The following ENTREP2 variants were observed in gnomAD, a reference collection of about 807,000 sequenced individuals.
ENTREP2 encodes the protein endosomal transmembrane epsin interactor 2, also known as protein ENTREP2.
the ENTREP2 span, among the ~76,000 whole-genome samples, chr15:29,488,302 A>G: frequency 6.6e-6 from 1 of 152,216 alleles, no homozygotes; most frequent in African/African-American, 2.4e-5. Context: ...TCACTAGAGC[A>G]TCTCAGTAAC....
chr15:29,129,051 G>A, the ENTREP2 span, among the ~76,000 whole-genome samples: 9 of 152,264 alleles, frequency 5.9e-5, no homozygotes, highest in Middle Eastern at 3.4e-3. Flanking sequence ...CCTTGCCAAG[G>A]CCAAAGTCTA....
chr15:29,448,637 A>T, the ENTREP2 span, among the ~76,000 whole-genome samples: 1 of 152,252 alleles, frequency 6.6e-6, no homozygotes, highest in Non-Finnish European at 1.5e-5. Flanking sequence ...GAACAAATCG[A>T]GACGAACCAA....
chr15:29,293,573 G>C, the ENTREP2 span, among the ~76,000 whole-genome samples: 1 of 152,132 alleles, frequency 6.6e-6, no homozygotes, highest in Non-Finnish European at 1.5e-5. Flanking sequence ...TTGACTCTTA[G>C]AACCAGGAAG....
the ENTREP2 span, among the ~76,000 whole-genome samples, chr15:29,439,220 G>A: frequency 6.6e-6 from 1 of 151,594 alleles, no homozygotes; most frequent in Non-Finnish European, 1.5e-5. Flanking sequence ...TGATGGTAGG[G>A]GCAGGGAAAG....
the ENTREP2 span, among the ~76,000 whole-genome samples, chr15:29,223,051 C>T: frequency 2.6e-5 from 4 of 152,270 alleles, no homozygotes; most frequent in Admixed American, 2.0e-4. Context: ...AATTACTCTC[C>T]GTTGCTCAAC....
the ENTREP2 span, among the ~76,000 whole-genome samples, chr15:29,355,830 A>G: frequency 3.3e-5 from 5 of 152,334 alleles, no homozygotes; most frequent in South Asian, 8.3e-4. Context: ...TCAGATAGTA[A>G]GCAAATGATG....
the ENTREP2 span, among the ~76,000 whole-genome samples, chr15:29,300,064 G>A: frequency 6.6e-6 from 1 of 151,456 alleles, no homozygotes; most frequent in Admixed American, 6.6e-5. Context: ...TGAATGGGTA[G>A]GTGGGTGGAC....
chr15:29,630,672 C>G, the ENTREP2 span, among the ~76,000 whole-genome samples: 2 of 151,878 alleles, frequency 1.3e-5, no homozygotes, highest in African/African-American at 4.8e-5. Context: ...TTCCCCCAGG[C>G]TATTTTCTCT....
At chr15:29,216,227 C>G in the ENTREP2 span, among the ~76,000 whole-genome samples, 1 of 152,286 alleles carries the variant, frequency 6.6e-6, no homozygotes, top group South Asian at 2.1e-4. Flanking sequence ...ATATATGCTG[C>G]TTAGTTTCAC....
At chr15:29,380,821 T>C in the ENTREP2 span, among the ~76,000 whole-genome samples, 5 of 151,766 alleles carry the variant, frequency 3.3e-5, no homozygotes, top group South Asian at 4.2e-4. Flanking sequence ...CAGGCTTTAA[T>C]GTCTAGATGA....
chr15:29,672,925 C>A, the ENTREP2 span, among the ~76,000 whole-genome samples: 1 of 152,086 alleles, frequency 6.6e-6, no homozygotes, highest in Non-Finnish European at 1.5e-5. Context: ...ATAGGCAGGG[C>A]AGTGGCATGA....
the ENTREP2 span, among the ~76,000 whole-genome samples, chr15:29,581,118 T>C: frequency 6.6e-6 from 1 of 152,148 alleles, no homozygotes; most frequent in Non-Finnish European, 1.5e-5. Flanking sequence ...ATCTTTAGAA[T>C]AAACAGACCA....
the ENTREP2 span, among the ~76,000 whole-genome samples, chr15:29,630,091 G>A: frequency 6.6e-6 from 1 of 152,030 alleles, no homozygotes; most frequent in Non-Finnish European, 1.5e-5. Flanking sequence ...ACTCCGGCCC[G>A]GGTGACACAA....
the ENTREP2 span, among the ~76,000 whole-genome samples, chr15:29,479,369 C>A: frequency 6.6e-6 from 1 of 152,058 alleles, no homozygotes; most frequent in Admixed American, 6.5e-5. Context: ...CCTGCAGAAC[C>A]AAGAGTGAAT....
At chr15:29,182,583 GA>G in the ENTREP2 span, among the ~76,000 whole-genome samples, 1 of 151,986 alleles carries the variant, frequency 6.6e-6, no homozygotes, top group Non-Finnish European at 1.5e-5. Context: ...TACCAAAAAT[GA>G]TAATTCTCCC....
chr15:29,145,622 C>CA, the ENTREP2 span, among the ~76,000 whole-genome samples: 18,872 of 58,444 alleles, frequency 0.32, 4,079 homozygotes, highest in Non-Finnish European at 0.41. Flanking sequence ...GACTCCATCT[C>CA]AAAAAAAAAA....
chr15:29,654,094 A>G, the ENTREP2 span, among the ~76,000 whole-genome samples: 1 of 152,214 alleles, frequency 6.6e-6, no homozygotes, highest in Non-Finnish European at 1.5e-5. Flanking sequence ...CTATAATTAT[A>G]CTTATCTTAA....
the ENTREP2 span, among the ~76,000 whole-genome samples, chr15:29,495,787 T>C: frequency 1.3e-5 from 2 of 152,134 alleles, no homozygotes; most frequent in Non-Finnish European, 2.9e-5. Context: ...TTTATGCCAG[T>C]AGCATGTTTT....
chr15:29,279,321 A>G, the ENTREP2 span, among the ~76,000 whole-genome samples: 2 of 151,870 alleles, frequency 1.3e-5, no homozygotes, highest in South Asian at 4.2e-4. Context: ...TTCCATCTCC[A>G]TATGAATTTG....
Sources: allele counts gnomAD v4.1 joint callset (sites outside exome capture counted in the v4.1 genomes callset), GRCh38; gene constraint gnomAD v4.1.1; transcripts MANE v1.5; gene names NCBI Gene and HGNC (gene_info 2026-07-23, HGNC 2026-07-21).